The following UMAD1 variants were observed in gnomAD, a reference collection of about 807,000 sequenced individuals.
UMAD1 encodes UBAP1-MVB12-associated (UMA) domain containing 1, also known as UBAP1-MVB12-associated (UMA)-domain containing protein 1.
In UMAD1, 8 loss-of-function variants were observed where a neutral mutation model predicts 6.1. The ratio of observed to expected loss-of-function variants is 1.30; its 90% CI spans 0.76 to 2.35. The LOEUF is 2.35. UMAD1 is among the 30% of genes most tolerant of loss of function. The pLI is 0.00. For missense variants in UMAD1, 130 were observed against 78.4 expected (o/e 1.66, Z -2.49); for synonymous variants, 56 against 31.4 (o/e 1.78, Z -2.61).
chr7:7,861,818 T>C (rs1251017924), intron 3 of UMAD1, among the ~76,000 whole-genome samples: 1 of 152,196 alleles, frequency 6.6e-6, no homozygotes. Flanking sequence ...ATACATAGGG[T>C]GAACATGAGC....
intron 2 of UMAD1, among the ~76,000 whole-genome samples, chr7:7,774,351 T>C (rs1483846059): frequency 6.6e-6 from 1 of 152,356 alleles, no homozygotes; most frequent in East Asian, 1.9e-4. Context: ...AATAGAATTA[T>C]GGGACATGCT....
At chr7:7,847,980 G>A (rs1783842529) in intron 3 of UMAD1, among the ~76,000 whole-genome samples, 1 of 152,132 alleles carries the variant, frequency 6.6e-6, no homozygotes, top group South Asian at 2.1e-4. Context: ...ATCTTTTGAT[G>A]TATCGAACCA....
chr7:7,778,261 TGTGTGTGTGTGTGTGA>T (rs58529963), intron 2 of UMAD1, among the ~76,000 whole-genome samples: 1,537 of 140,504 alleles, frequency 0.011, 29 homozygotes, highest in African/African-American at 0.04. Flanking sequence ...TGTGTGTGTG[TGTGTGTGTGTGTGTGA>T]GAGAGAGAGA....
intron 2 of UMAD1, among the ~76,000 whole-genome samples, chr7:7,690,688 GT>G (rs1217237864): frequency 4.6e-5 from 7 of 151,960 alleles, no homozygotes; most frequent in African/African-American, 1.7e-4. Context: ...AAATTCTTTT[GT>G]TTTTGCTAAG....
At chr7:7,748,576 G>T (rs1563175701) in intron 2 of UMAD1, among the ~76,000 whole-genome samples, 2 of 151,938 alleles carry the variant, frequency 1.3e-5, no homozygotes, top group African/African-American at 2.4e-5. Flanking sequence ...TACATTTACA[G>T]CAAGGTTATC....
In UMAD1 at chr7:7,676,710, T is replaced by A. The variant is rs192077513; in HGVS notation, c.82+3257T>A. 1.8e-3 allele frequency among the ~76,000 whole-genome samples: 281 copies of A among 152,280 alleles called. 2 individuals carry two copies. Among genetic ancestry groups the A allele is most frequent in the Admixed American group, 5.0e-3 (76 of 15,294 alleles). On this transcript the variant is annotated intron_variant, in intron 2 of 3. Transcript: ENST00000682710. ...TAATAGTTTAAATGTTTTTAAAATA[T>A]TTTAAAATATTTCAGAAAACTCCTT... is the stretch of plus-strand genomic sequence containing the variant.
At chr7:7,666,862 A>G (rs1288317800) in intron 1 of UMAD1, among the ~76,000 whole-genome samples, 1 of 151,958 alleles carries the variant, frequency 6.6e-6, no homozygotes, top group Non-Finnish European at 1.5e-5. Context: ...CTGGAGTGCA[A>G]TGGTGGGGTC....
chr7:7,760,392 TAAAAATACAA>T (rs893019330), intron 2 of UMAD1, among the ~76,000 whole-genome samples: 1 of 145,188 alleles, frequency 6.9e-6, no homozygotes, highest in Non-Finnish European at 1.5e-5. Flanking sequence ...CTGTCTCTAC[TAAAAATACAA>T]AAAAATACAA....
intron 2 of UMAD1, among the ~76,000 whole-genome samples, chr7:7,714,177 C>CATGGCCTT (rs1273510590): frequency 1.3e-5 from 2 of 152,216 alleles, no homozygotes; most frequent in African/African-American, 4.8e-5. Flanking sequence ...AGACTTGATT[C>CATGGCCTT]ATGGCCTTTT....
chr7:7,755,613 G>T (rs1022683497), intron 2 of UMAD1, among the ~76,000 whole-genome samples: 1 of 152,098 alleles, frequency 6.6e-6, no homozygotes, highest in Admixed American at 6.6e-5. Flanking sequence ...TAAAGAAAAG[G>T]CTTTTGTATT....
intron 3 of UMAD1, among the ~76,000 whole-genome samples, chr7:7,820,101 A>T (rs1200764999): frequency 6.6e-6 from 1 of 152,222 alleles, no homozygotes; most frequent in Non-Finnish European, 1.5e-5. Flanking sequence ...GCTAAACATT[A>T]ATTAACCAAA....
intron 2 of UMAD1, among the ~76,000 whole-genome samples, chr7:7,678,742 GTTTATAAATATATATTTATATA>G (rs2115117519): frequency 8.6e-6 from 1 of 116,122 alleles, no homozygotes; most frequent in Admixed American, 9.2e-5. Context: ...TATATATTTA[GTTTATAAATATATATTTATATA>G]TTTAGTTTAT....
rs374674853 is a variant in UMAD1 at position 7,655,865 on chromosome 7, C to T, written c.-64+15044C>T. ...TGTTTTTGTTTTTGAGACAGAGTTT[C>T]GCTCTTGTTCCCCAGGCTGGAATGC... On this transcript the variant is annotated intron_variant, in intron 1 of 3. Coordinates refer to ENST00000682710, the MANE Select transcript of UMAD1 (RefSeq NM_001302348.2). Among the ~76,000 whole-genome samples the T allele has an allele frequency of 6.5e-4, 99 of 152,128 alleles. 2 individuals are homozygous for T. The highest frequency in any genetic ancestry group is 2.2e-3 in the African/African-American group (92 of 41,514).
chr7:7,685,962 G>T (rs1005623041), intron 2 of UMAD1: 6 of 152,144 alleles, frequency 3.9e-5, no homozygotes, highest in African/African-American at 1.4e-4. Context: ...CTCCTGCTTG[G>T]TTAGGGATGC....
chr7:7,709,309 A>G (rs1282781981), intron 2 of UMAD1, among the ~76,000 whole-genome samples: 2 of 152,248 alleles, frequency 1.3e-5, no homozygotes, highest in African/African-American at 2.4e-5. Flanking sequence ...TATGAACATT[A>G]GAAACTTGTT....
intron 3 of UMAD1, among the ~76,000 whole-genome samples, chr7:7,844,599 C>T (rs1474430417): frequency 1.3e-5 from 2 of 152,162 alleles, no homozygotes; most frequent in Non-Finnish European, 2.9e-5. Flanking sequence ...CTTCACCTAA[C>T]ACATGATTAT....
At chr7:7,855,253 C>T (rs528487199) in intron 3 of UMAD1, among the ~76,000 whole-genome samples, 1 of 152,240 alleles carries the variant, frequency 6.6e-6, no homozygotes, top group South Asian at 2.1e-4. Context: ...CTAGACAGTG[C>T]CCCAGTGTGG....
At chr7:7,662,014 G>C (rs558128983) in intron 1 of UMAD1, among the ~76,000 whole-genome samples, 1 of 152,304 alleles carries the variant, frequency 6.6e-6, no homozygotes, top group East Asian at 1.9e-4. Flanking sequence ...ACACAGAGAG[G>C]AGGAATCTAG....
chr7:7,652,549 G>C (rs750792309), intron 1 of UMAD1, among the ~76,000 whole-genome samples: 1 of 152,228 alleles, frequency 6.6e-6, no homozygotes, highest in Non-Finnish European at 1.5e-5. Context: ...TTTTATACAG[G>C]ACTTAGCACC....
Sources: allele counts gnomAD v4.1 joint callset (sites outside exome capture counted in the v4.1 genomes callset), GRCh38; gene constraint gnomAD v4.1.1; transcripts MANE v1.5; gene names NCBI Gene and HGNC (gene_info 2026-07-23, HGNC 2026-07-21).